Variants in PRR11 observed in about 807,000 individuals in gnomAD.
The protein encoded by PRR11 is proline rich 11, also known as proline-rich protein 11.
PRR11 carries 30 observed loss-of-function variants against 45.6 expected under a neutral mutation model. The observed-to-expected ratio is 0.66, with a 90% CI of 0.49 to 0.89. The LOEUF (loss-of-function observed/expected upper bound fraction) is 0.89, where lower values mean the gene tolerates loss of function less well. Among genes scored for constraint, PRR11 ranks in the 40% least tolerant of loss-of-function variants. The pLI, the probability that PRR11 is intolerant of heterozygous loss-of-function variation, is 0.00. For missense variants in PRR11, 373 were observed against 424.8 expected, an observed-to-expected ratio of 0.88 and a Z score of 1.07; for synonymous variants, 128 against 153.5, an observed-to-expected ratio of 0.83 and a Z score of 1.23.
rs150046746 is a variant in PRR11 at position 59,178,670 on chromosome 17, A to G, written c.129-6384A>G. Reference sequence around the variant, plus strand: ...AGGTGAGGTGGATGGGAAAGAGGAGAATGACTTTCACTGGGCAAGGGAGAG... The same window carrying G: ...AGGTGAGGTGGATGGGAAAGAGGAGGATGACTTTCACTGGGCAAGGGAGAG... On this transcript the variant is annotated intron_variant, in intron 2 of 9. Coordinates refer to ENST00000262293, the MANE Select transcript of PRR11 (RefSeq NM_018304.4). 25 of 491,980 alleles carry G rather than the reference A, an allele frequency of 5.1e-5. No individual in the cohort carries two copies. The East Asian group carries it at 1.3e-3, about 26-fold the overall frequency. The allele number at this position is 491,980 out of a possible 1,614,324, so 30.5% of individuals were successfully genotyped here.
In PRR11 at chr17:59,205,284, A is replaced by G. The variant is rs1036002105; in HGVS notation, c.*3653A>G. ...CTCCCGGTGTTTACTTTGAGACTGAATGGCAACCAGAGAATGTAAACAACC... is the reference window on the plus strand; with the variant it reads ...CTCCCGGTGTTTACTTTGAGACTGAGTGGCAACCAGAGAATGTAAACAACC... On this transcript the variant is annotated 3_prime_UTR_variant, in exon 10 of 10. Coordinates refer to ENST00000262293, the MANE Select transcript of PRR11 (RefSeq NM_018304.4). Among the ~76,000 whole-genome samples the G allele has an allele frequency of 2.0e-5, 3 of 152,008 alleles. No homozygotes were observed. The highest frequency in any genetic ancestry group is 2.9e-5 in the Non-Finnish European group (2 of 67,996).
intron 4 of PRR11, among the ~76,000 whole-genome samples, chr17:59,191,228 T>C (rs1376925529): frequency 1.3e-5 from 2 of 149,108 alleles, no homozygotes; most frequent in Non-Finnish European, 3.0e-5. Flanking sequence ...TTCTTTTTTT[T>C]TTTTTTTTGA....
At chr17:59,200,333 A>AC (rs1274633367) in intron 9 of PRR11, among the ~76,000 whole-genome samples, 6 of 152,164 alleles carry the variant, frequency 3.9e-5, no homozygotes, top group African/African-American at 1.4e-4. Context: ...AGTGGCTCAT[A>AC]CCTGTAATCC....
chr17:59,186,317 G>C (rs1461673199), intron 4 of PRR11, among the ~76,000 whole-genome samples: 2 of 149,458 alleles, frequency 1.3e-5, no homozygotes, highest in African/African-American at 4.9e-5. Context: ...CAGAGCTCAG[G>C]TGAAGTTCAA....
At chr17:59,157,428 A>T (rs1660090775) in intron 1 of PRR11, among the ~76,000 whole-genome samples, 1 of 152,186 alleles carries the variant, frequency 6.6e-6, no homozygotes, top group Admixed American at 6.6e-5. Context: ...GAGGCTGGGC[A>T]TGGTGCCTCA....
At chr17:59,167,879 T>G (rs2046687430) in intron 1 of PRR11, among the ~76,000 whole-genome samples, 1 of 152,212 alleles carries the variant, frequency 6.6e-6, no homozygotes, top group Non-Finnish European at 1.5e-5. Flanking sequence ...TCCTGTTTTA[T>G]CAGAAGGGTC....
At chr17:59,183,184 G>A (rs2046797450) in intron 2 of PRR11, among the ~76,000 whole-genome samples, 1 of 152,164 alleles carries the variant, frequency 6.6e-6, no homozygotes, top group African/African-American at 2.4e-5. Context: ...TCCTGCCACT[G>A]TCCCAACCTC....
At chr17:59,176,684 CTTTTTTTTTTTTTT>C (rs71367676) in intron 2 of PRR11, among the ~76,000 whole-genome samples, 9 of 39,004 alleles carry the variant, frequency 2.3e-4, no homozygotes, top group African/African-American at 4.9e-4. Context: ...GTTTTTTTGG[CTTTTTTTTTTTTTT>C]TTTTTTTTTT....
chr17:59,181,246 C>T (rs571058032), intron 2 of PRR11, among the ~76,000 whole-genome samples: 12 of 151,780 alleles, frequency 7.9e-5, no homozygotes, highest in African/African-American at 2.4e-4. Flanking sequence ...CCTCGGCCTC[C>T]GAAAGTGCTG....
At chr17:59,199,886 T>C (rs115313192) in intron 9 of PRR11, among the ~76,000 whole-genome samples, 5,073 of 152,282 alleles carry the variant, frequency 0.033, 318 homozygotes, top group African/African-American at 0.12. Flanking sequence ...TCTTAGAGCA[T>C]GCTACCCCTA....
intron 4 of PRR11, among the ~76,000 whole-genome samples, chr17:59,192,280 C>T (rs1448082748): frequency 1.3e-5 from 2 of 152,108 alleles, no homozygotes; most frequent in African/African-American, 4.8e-5. Context: ...ACCGATTCTT[C>T]CCCAGAGGTA....
At position 59,180,195 on chromosome 17, in the gene PRR11, A is replaced by G. The variant is rs1395562397; in HGVS notation, c.129-4859A>G. On this transcript the variant is annotated intron_variant, in intron 2 of 9. Coordinates refer to ENST00000262293, the MANE Select transcript of PRR11 (RefSeq NM_018304.4). The stretch of plus-strand genomic sequence containing the variant: ...GCCCAGGCTGGAGTGTAGTAGTGCA[A>G]TCTCGGCTCACTGCAATCTCCGTCT... Among the ~76,000 whole-genome samples, 9 of 145,438 alleles carry G rather than the reference A, an allele frequency of 6.2e-5. No homozygotes were observed. The East Asian group carries it at 1.8e-3, about 29-fold the overall frequency.
At position 59,171,994 on chromosome 17, in the gene PRR11, C is replaced by T. The variant is rs114428612; in HGVS notation, c.128+2114C>T. Among the ~76,000 whole-genome samples the T allele has an allele frequency of 6.2e-3, 947 of 152,136 alleles. 6 individuals carry two copies. The highest frequency in any genetic ancestry group is 0.021 in the African/African-American group (890 of 41,512). ...CAGCTATAACTCATGAAAAAATCTA[C>T]AGGAACAGCATATTTTCAAAAGTAC... On this transcript the variant is annotated intron_variant, in intron 2 of 9. Transcript: ENST00000262293.
chr17:59,182,722 C>T (rs925700751), intron 2 of PRR11, among the ~76,000 whole-genome samples: 2 of 151,990 alleles, frequency 1.3e-5, no homozygotes, highest in Non-Finnish European at 1.5e-5. Context: ...AATCCTATCC[C>T]ACCTCTTCTT....
chr17:59,167,842 T>G (rs2046687198), intron 1 of PRR11, among the ~76,000 whole-genome samples: 1 of 152,236 alleles, frequency 6.6e-6, no homozygotes, highest in East Asian at 1.9e-4. Context: ...CATTGCTCTC[T>G]TGGTTTTGGC....
chr17:59,193,565 C>A lies in PRR11; in HGVS notation c.476C>A (p.Pro159His). The A allele has an allele frequency of 6.2e-7, 1 of 1,614,146 alleles. No individual in the cohort carries two copies. Residue 159 changes from proline to histidine, a missense_variant, in exon 5 of 10, where the codon CCT becomes CAT. Transcript: ENST00000262293. ...ATGAGTGGTAAACTTACAAATGTGC[C>A]TGCCTGCGTTCTGATCACCCCTGGA... is the stretch of plus-strand genomic sequence containing the variant. ...CHMSGKLTNV[P>H]ACVLITPGDS...
intron 1 of PRR11, among the ~76,000 whole-genome samples, chr17:59,168,761 C>T (rs1045771596): frequency 6.6e-6 from 1 of 152,100 alleles, no homozygotes; most frequent in Non-Finnish European, 1.5e-5. Flanking sequence ...TTTCATTTTA[C>T]AGTGTATTGC....
At chr17:59,175,666 CAGG>C (rs1260077330) in intron 2 of PRR11, among the ~76,000 whole-genome samples, 1 of 152,112 alleles carries the variant, frequency 6.6e-6, no homozygotes, top group African/African-American at 2.4e-5. Flanking sequence ...TACATGAACC[CAGG>C]AGGAGGAGGT....
At chr17:59,175,093 C>T (rs1044124473) in intron 2 of PRR11, 7 of 566,602 alleles carry the variant, frequency 1.2e-5, no homozygotes, top group African/African-American at 5.8e-5. Flanking sequence ...CATTTGGAGG[C>T]CTCGTTGTCC....
Sources: gnomAD v4.1 joint callset for allele counts (sites outside exome capture counted in the v4.1 genomes callset) on GRCh38, gnomAD v4.1.1 for gene constraint, MANE v1.5 for transcripts, NCBI Gene and HGNC (gene_info 2026-07-23, HGNC 2026-07-21) for gene names.